The following CYFIP1 variants were observed in gnomAD, a reference collection of about 807,000 sequenced individuals.
The protein encoded by CYFIP1 is cytoplasmic FMR1-interacting protein 1.
Under a neutral mutation model 163.5 loss-of-function variants are expected in CYFIP1, and 58 were observed. The ratio of observed to expected loss-of-function variants is 0.35; its 90% CI spans 0.29 to 0.44. CYFIP1 has a LOEUF of 0.44. Among genes scored for constraint, CYFIP1 ranks in the 20% least tolerant of loss-of-function variants. CYFIP1 has a pLI of 1.00. For missense variants in CYFIP1, 1,338 were observed against 1,653.8 expected (o/e 0.81, Z 3.31); for synonymous variants, 663 against 660.7 (o/e 1.00, Z -0.05).
rs755042542 is a variant in CYFIP1, at chr15:22,892,870, A to G, written c.2676+20T>C. Reference sequence around the variant, plus strand: ...TCATTATGAGCTTCAAGCTCGTAACACGAACACATTGGAGCCTACCTTGGA... The same window carrying G: ...TCATTATGAGCTTCAAGCTCGTAACGCGAACACATTGGAGCCTACCTTGGA... On this transcript the variant is annotated intron_variant, in intron 23 of 30. Transcript: ENST00000617928. The G allele has an allele frequency of 2.5e-6, 4 of 1,585,338 alleles. No homozygotes were observed. The highest frequency in any genetic ancestry group is 1.7e-5 in the Admixed American group (1 of 59,308).
chr15:22,900,135 TCATA>T (rs2060349049), intron 22 of CYFIP1, among the ~76,000 whole-genome samples: 1 of 152,152 alleles, frequency 6.6e-6, no homozygotes, highest in African/African-American at 2.4e-5. Context: ...TAAGACAAGG[TCATA>T]CTGGAGTAGC....
At chr15:22,927,584 G>C (rs1197635770) in intron 12 of CYFIP1, among the ~76,000 whole-genome samples, 1 of 151,706 alleles carries the variant, frequency 6.6e-6, no homozygotes, top group Non-Finnish European at 1.5e-5. Flanking sequence ...TTGGGGTGGG[G>C]AGTCAAGGCT....
intron 1 of CYFIP1, among the ~76,000 whole-genome samples, chr15:22,966,513 G>A (rs892865781): frequency 6.6e-6 from 1 of 152,024 alleles, no homozygotes; most frequent in Non-Finnish European, 1.5e-5. Flanking sequence ...CTGTGATCTT[G>A]GATGTCCAGC....
chr15:22,867,774 A>G lies in CYFIP1; in HGVS notation c.*2254T>C, dbSNP rs1241409807. Reference sequence around the variant, plus strand: ...AGAACAAACTTAACATGTTTATAGAATATGGTCTCTTTGTACCAAGTACTT... The same window carrying G: ...AGAACAAACTTAACATGTTTATAGAGTATGGTCTCTTTGTACCAAGTACTT... On this transcript the variant is annotated 3_prime_UTR_variant, in exon 31 of 31. Transcript: ENST00000617928. 1 of 152,214 alleles carries G rather than the reference A, an allele frequency of 6.6e-6. No homozygotes were observed. Among genetic ancestry groups the G allele is most frequent in the Non-Finnish European group, 1.5e-5 (1 of 68,044 alleles). The allele number at this position is 152,214 out of a possible 1,614,324, so 9.4% of individuals were successfully genotyped here.
intron 19 of CYFIP1, 49 bp from the exon 20 acceptor site, chr15:22,910,677 T>C (rs755316917): frequency 8.7e-6 from 14 of 1,606,144 alleles, no homozygotes; most frequent in Non-Finnish European, 1.2e-5. Context: ...TAAATTGTAA[T>C]GGGAATGTCA....
chr15:22,917,893 C>T lies in CYFIP1; in HGVS notation c.1569G>A (p.Thr523=), dbSNP rs1186742410. The T allele has an allele frequency of 4.3e-6, 7 of 1,613,852 alleles. No homozygotes were observed. The highest frequency in any genetic ancestry group is 1.7e-5 in the Admixed American group (1 of 59,968). Residue 523 remains threonine (T), a synonymous_variant, in exon 15 of 31, where the codon ACG becomes ACA. Coordinates refer to ENST00000617928, the MANE Select transcript of CYFIP1 (RefSeq NM_014608.6). This position sits in a 1 kb window ranked among gnomAD's most constrained non-coding sequence, Gnocchi z 4.2. ...AIRKTVCDWE[T]GHEPFNDPAL... ...CTGGGTCATTGAAGGGCTCATGCCC[C>T]GTCTCCCAGTCACACACGGTCTTCC... is the stretch of plus-strand genomic sequence containing the variant.
At chr15:22,968,604 A>G (rs957070151) in intron 1 of CYFIP1, among the ~76,000 whole-genome samples, 9 of 152,124 alleles carry the variant, frequency 5.9e-5, no homozygotes, top group Admixed American at 1.3e-4. Context: ...ACCCTGACTA[A>G]TACATCACCT....
chr15:22,956,206 CA>C (rs1202403778), intron 1 of CYFIP1, among the ~76,000 whole-genome samples: 6 of 151,382 alleles, frequency 4.0e-5, no homozygotes, highest in Admixed American at 6.6e-5. Context: ...GACTCTGTCT[CA>C]AAAAAAATAA....
Position 22,892,983 on chromosome 15 carries a change from CAAGA to C in CYFIP1, c.2589-10_2589-7del, listed in dbSNP as rs750641365. ...GTAACACTGTCCGAACAAACCTAAA[CAAGA>C]AAGATTTAAAAAAGAAAAAGAAACC... On this transcript the variant is annotated splice_region_variant and splice_polypyrimidine_tract_variant and intron_variant, in intron 22 of 30. Transcript: ENST00000617928. 2 of 1,605,644 alleles carry C rather than the reference CAAGA, an allele frequency of 1.2e-6. No homozygotes were observed. The highest frequency in any genetic ancestry group is 1.3e-5 in the African/African-American group (1 of 74,730).
chr15:22,897,595 C>T (rs1331203475), intron 22 of CYFIP1, among the ~76,000 whole-genome samples: 9 of 151,964 alleles, frequency 5.9e-5, no homozygotes, highest in South Asian at 2.1e-4. Flanking sequence ...GTGATCCTCC[C>T]GCCTCAGCCT....
chr15:22,889,916 A>G (rs932959108), intron 23 of CYFIP1, among the ~76,000 whole-genome samples: 1 of 152,150 alleles, frequency 6.6e-6, no homozygotes, highest in Non-Finnish European at 1.5e-5. Context: ...GTAAAACACT[A>G]CATTTTACTT....
intron 9 of CYFIP1, among the ~76,000 whole-genome samples, chr15:22,936,860 G>A (rs2061727703): frequency 6.6e-6 from 1 of 152,184 alleles, no homozygotes; most frequent in Admixed American, 6.5e-5. Flanking sequence ...ACAGCAGCTG[G>A]ACGCAGAAGA....
intron 1 of CYFIP1, among the ~76,000 whole-genome samples, chr15:22,966,429 C>T (rs1567043101): frequency 1.3e-5 from 2 of 150,732 alleles, no homozygotes; most frequent in South Asian, 2.1e-4. Context: ...GAGAAGACCA[C>T]GCAAGGACGC....
chr15:22,940,972 G>C (rs182225815), intron 6 of CYFIP1, among the ~76,000 whole-genome samples: 6 of 152,274 alleles, frequency 3.9e-5, no homozygotes, highest in African/African-American at 1.4e-4. Context: ...TCCAGGAGAC[G>C]CAGAGGTTGC....
intron 6 of CYFIP1, 142 bp from the exon 7 acceptor site, chr15:22,939,649 A>T: frequency 1.4e-6 from 1 of 733,990 alleles, no homozygotes; most frequent in Non-Finnish European, 2.2e-6. Flanking sequence ...CTCAGAAGCC[A>T]CCTATGATTT....
chr15:22,916,459 C>T lies in CYFIP1; in HGVS notation c.1828+18G>A, dbSNP rs774574177. 1 of 1,568,670 alleles carries T rather than the reference C, an allele frequency of 6.4e-7. No individual in the cohort carries two copies. Among genetic ancestry groups the T allele is most frequent in the East Asian group, 2.2e-5 (1 of 44,684 alleles). The stretch of plus-strand genomic sequence containing the variant: ...TTAGGACATGCCAGGCCGGATGCTG[C>T]TCAGCAGTATCTCTTACCACTGAAA... On this transcript the variant is annotated intron_variant, in intron 16 of 30. Transcript: ENST00000617928.
chr15:22,923,667 G>A (rs2061261561), intron 13 of CYFIP1, among the ~76,000 whole-genome samples: 1 of 152,114 alleles, frequency 6.6e-6, no homozygotes, highest in Admixed American at 6.6e-5. Context: ...CATAGAGGCT[G>A]GGCATGGTGG....
In CYFIP1 at chr15:22,932,346, C is replaced by T; in HGVS notation, c.993-6G>A. ...CGGAGGATGTGCACGTCCATCTGTG[C>T]AGAGAGAAAGCACCCGCGTTACCTG... On this transcript the variant is annotated splice_polypyrimidine_tract_variant and splice_region_variant and intron_variant, in intron 10 of 30. Transcript: ENST00000617928. The T allele has an allele frequency of 6.3e-7, 1 of 1,587,818 alleles. No individual in the cohort carries two copies. Among genetic ancestry groups the T allele is most frequent in the Non-Finnish European group, 8.6e-7 (1 of 1,167,090 alleles).
At chr15:22,913,082 G>C (rs1159177314) in intron 17 of CYFIP1, among the ~76,000 whole-genome samples, 2 of 152,088 alleles carry the variant, frequency 1.3e-5, no homozygotes. Context: ...TGTAGTCCCA[G>C]CTACTCAGGA....
Sources: gnomAD v4.1 joint callset for allele counts (sites outside exome capture counted in the v4.1 genomes callset) on GRCh38, gnomAD v4.1.1 for gene constraint, Gnocchi (gnomAD v3.1) non-coding constraint, MANE v1.5 for transcripts, NCBI Gene and HGNC (gene_info 2026-07-23, HGNC 2026-07-21) for gene names.